ZNF254: variants seen among roughly 807,000 people sequenced by gnomAD.
ZNF254 encodes the protein zinc finger protein 254, also known as CTD-2017D11.1.
Under a neutral mutation model 12.4 loss-of-function variants are expected in ZNF254, and 10 were observed. The observed-to-expected ratio is 0.80, with a 90% CI of 0.50 to 1.36. ZNF254 has a LOEUF of 1.36. Among genes scored for constraint, ZNF254 ranks in the 40% most tolerant of loss-of-function variants. The pLI is 0.00. For missense variants in ZNF254, 996 were observed against 763.9 expected (o/e 1.30, Z -3.58); for synonymous variants, 305 against 253.4 (o/e 1.20, Z -1.93).
At chr19:24,043,734 TCTA>T (rs74267550) in intron 1 of ZNF254, among the ~76,000 whole-genome samples, 24,163 of 152,182 alleles carry the variant, frequency 0.16, 2,070 homozygotes, top group Middle Eastern at 0.23. Context: ...ACAGAAATGT[TCTA>T]CTCTCCAACT....
At position 24,118,741 on chromosome 19, in the gene ZNF254, A is replaced by T. The variant is rs141779588; in HGVS notation, c.254-7513A>T. Among the ~76,000 whole-genome samples, 743 of 152,144 alleles carry T rather than the reference A, an allele frequency of 4.9e-3. 7 individuals carry two copies. The highest frequency in any genetic ancestry group is 0.017 in the African/African-American group (691 of 41,502). ...ATTTTTGCTTTTTTCCTTGTTGCTT[A>T]TGCATTTAATGTTGTAGCTAAGAAA... On this transcript the variant is annotated intron_variant, in intron 3 of 3. Coordinates refer to ENST00000357002, the MANE Select transcript of ZNF254 (RefSeq NM_203282.4).
At chr19:24,048,166 A>G (rs1287274381) in intron 2 of ZNF254, among the ~76,000 whole-genome samples, 1 of 151,898 alleles carries the variant, frequency 6.6e-6, no homozygotes, top group Non-Finnish European at 1.5e-5. Context: ...TCAGGTGACC[A>G]GATGTGGGCT....
At chr19:24,116,251 A>G (rs1214633846) in intron 3 of ZNF254, among the ~76,000 whole-genome samples, 1 of 152,098 alleles carries the variant, frequency 6.6e-6, no homozygotes. Flanking sequence ...CTGCCTTGCT[A>G]GATTAGGGAA....
chr19:24,040,536 T>C (rs983791648), intron 1 of ZNF254, among the ~76,000 whole-genome samples: 1 of 152,176 alleles, frequency 6.6e-6, no homozygotes, highest in African/African-American at 2.4e-5. Context: ...GTATTTAGCT[T>C]TTATAGTGAT....
chr19:24,122,079 C>CA (rs747065358), intron 3 of ZNF254, among the ~76,000 whole-genome samples: 14 of 151,984 alleles, frequency 9.2e-5, no homozygotes, highest in African/African-American at 2.9e-4. Context: ...TTTTACTTGT[C>CA]AAAAAAATAA....
At chr19:24,052,020 T>A (rs117907797) in intron 2 of ZNF254, among the ~76,000 whole-genome samples, 859 of 152,310 alleles carry the variant, frequency 5.6e-3, no homozygotes, top group Non-Finnish European at 0.01. Flanking sequence ...TTGTGACATA[T>A]TGCTGAGCCC....
chr19:24,113,772 A>G (rs948519364), intron 3 of ZNF254, among the ~76,000 whole-genome samples: 2 of 152,206 alleles, frequency 1.3e-5, no homozygotes, highest in African/African-American at 4.8e-5. Context: ...ACATGATTGT[A>G]TACCTAGAAA....
chr19:24,049,214 A>ATATTTTTTTTTTTTTT (rs1160333151), intron 2 of ZNF254, among the ~76,000 whole-genome samples: 2 of 40,894 alleles, frequency 4.9e-5, no homozygotes, highest in African/African-American at 1.4e-4. Context: ...ATATATATAT[A>ATATTTTTTTTTTTTTT]TTTTTTTTTT....
rs1365006809 is a variant in ZNF254 at position 24,127,914 on chromosome 19, C to T, written c.1914C>T (p.Ala638=). ...QPYKWEKFGK[A]FNRSSHLTTD... is the part of the protein sequence containing the mutation. The stretch of plus-strand genomic sequence containing the variant: ...ACAAATGGGAAAAATTTGGCAAAGC[C>T]TTTAATCGGTCCTCGCACCTCACCA... Residue 638 remains alanine, a synonymous_variant, in exon 4 of 4, where the codon GCC becomes GCT. Transcript: ENST00000357002. 1.2e-6 allele frequency: 2 copies of T among 1,610,572 alleles called. No homozygotes were observed. Among genetic ancestry groups the T allele is most frequent in the Non-Finnish European group, 1.7e-6 (2 of 1,178,612 alleles).
chr19:24,115,026 C>G (rs1298879990), intron 3 of ZNF254, among the ~76,000 whole-genome samples: 1 of 152,266 alleles, frequency 6.6e-6, no homozygotes. Context: ...CAGGAAACAA[C>G]AGGTGCTGGA....
chr19:24,077,881 G>C (rs933061145), intron 2 of ZNF254, among the ~76,000 whole-genome samples: 1 of 152,086 alleles, frequency 6.6e-6, no homozygotes, highest in Non-Finnish European at 1.5e-5. Context: ...CAAGTTTCTT[G>C]TTTGAATTTG....
In ZNF254 at chr19:24,126,924, C is replaced by A. The variant is rs771973658; in HGVS notation, c.924C>A (p.Thr308=). ...ECGKAFIWSS[T]LTEHKKIHTR... Reference sequence around the variant, plus strand: ...GCAAAGCATTTATCTGGTCCTCAACCCTTACTGAGCATAAGAAAATTCATA... The same window carrying A: ...GCAAAGCATTTATCTGGTCCTCAACACTTACTGAGCATAAGAAAATTCATA... Residue 308 remains threonine, a synonymous_variant, in exon 4 of 4, where the codon ACC becomes ACA. Coordinates refer to ENST00000357002, the MANE Select transcript of ZNF254 (RefSeq NM_203282.4). The A allele has an allele frequency of 3.7e-6, 6 of 1,612,132 alleles. No individual in the cohort carries two copies. Among genetic ancestry groups the A allele is most frequent in the Non-Finnish European group, 5.1e-6 (6 of 1,179,454 alleles).
intron 1 of ZNF254, among the ~76,000 whole-genome samples, chr19:24,041,123 G>A (rs947624008): frequency 2.6e-5 from 4 of 152,264 alleles, no homozygotes; most frequent in African/African-American, 9.6e-5. Flanking sequence ...CAAGTTTGAA[G>A]AAATACCAGT....
intron 2 of ZNF254, among the ~76,000 whole-genome samples, chr19:24,063,525 C>G (rs1266165454): frequency 6.6e-6 from 1 of 152,128 alleles, no homozygotes; most frequent in African/African-American, 2.4e-5. Flanking sequence ...TGCTTGTGCC[C>G]TAAACACATA....
Position 24,129,124 on chromosome 19 carries a change from GTTAAC to G in ZNF254, c.*1148_*1152del, listed in dbSNP as rs1975082984. The G allele has an allele frequency of 6.6e-6, 1 of 151,966 alleles. No individual in the cohort carries two copies. Among genetic ancestry groups the G allele is most frequent in the African/African-American group, 2.4e-5 (1 of 41,418 alleles). The allele number at this position is 151,966 out of a possible 1,614,324, so 9.4% of individuals were successfully genotyped here. A position where few individuals can be genotyped will look rare whatever the true frequency, so the allele number is the denominator to read the frequency against. On this transcript the variant is annotated 3_prime_UTR_variant, in exon 4 of 4. Transcript: ENST00000357002. The stretch of plus-strand genomic sequence containing the variant: ...AATTTAGGTAGAGAGGCTCTTTGTG[GTTAAC>G]TTATAATATTGAGTGATGCATGAGG...
Position 24,105,896 on chromosome 19 carries a change from C to T in ZNF254, c.31-44C>T, listed in dbSNP as rs545949677. On this transcript the variant is annotated intron_variant, in intron 1 of 3. Coordinates refer to ENST00000357002, the MANE Select transcript of ZNF254 (RefSeq NM_203282.4). ...CCTTGAGTCAAATGAAAAATTCTGCCGATAGCCACTTTGTAAATATGTGTG... is the reference window on the plus strand; with the variant it reads ...CCTTGAGTCAAATGAAAAATTCTGCTGATAGCCACTTTGTAAATATGTGTG... The T allele has an allele frequency of 1.7e-5, 27 of 1,559,270 alleles. 1 individual carries two copies. Among genetic ancestry groups the T allele is most frequent in the Admixed American group, 1.4e-4 (8 of 58,176 alleles).
intron 1 of ZNF254, 131 bp downstream of exon 1, chr19:24,087,468 C>T (rs1972097870): frequency 8.5e-7 from 1 of 1,179,602 alleles, no homozygotes; most frequent in East Asian, 2.4e-5. Flanking sequence ...CCTCAGTCCC[C>T]TTCAGAAATA....
chr19:24,115,418 C>T (rs948729836), intron 3 of ZNF254, among the ~76,000 whole-genome samples: 59 of 151,190 alleles, frequency 3.9e-4, no homozygotes, highest in African/African-American at 1.3e-3. Flanking sequence ...AGTAAACTAT[C>T]GCAAGAACAA....
chr19:24,109,025 C>T (rs2463032), intron 3 of ZNF254, among the ~76,000 whole-genome samples: 12,638 of 152,224 alleles, frequency 0.083, 687 homozygotes, highest in East Asian at 0.14. Context: ...CATGGCGGCA[C>T]GCGCCTGTAG....
Sources: allele counts gnomAD v4.1 joint callset (sites outside exome capture counted in the v4.1 genomes callset), GRCh38; gene constraint gnomAD v4.1.1; transcripts MANE v1.5; gene names NCBI Gene and HGNC (gene_info 2026-07-23, HGNC 2026-07-21).